DMD: variants seen among roughly 807,000 people sequenced by gnomAD.
DMD encodes mutant dystrophin.
Under a neutral mutation model 330.1 loss-of-function variants are expected in DMD, and 63 were observed. That is an observed-to-expected ratio of 0.19 (90% CI 0.16 to 0.24). DMD has a LOEUF of 0.24. DMD is among the 10% of genes least tolerant of loss of function. The pLI is 1.00. For missense variants in DMD, 3,344 were observed against 2,684.1 expected (o/e 1.25, Z -5.43); for synonymous variants, 1,223 against 959.8 (o/e 1.27, Z -5.07).
intron 7 of DMD, among the ~76,000 whole-genome samples, chrX:32,730,160 C>T (rs771363177): frequency 4.5e-5 from 5 of 111,655 alleles, no homozygotes; most frequent in African/African-American, 6.5e-5. Flanking sequence ...AAGCAAGACC[C>T]TGTCTCTACA....
chrX:32,288,164 T>C (rs2097450764), intron 42 of DMD, among the ~76,000 whole-genome samples: 1 of 111,746 alleles, frequency 8.9e-6, no homozygotes, highest in Admixed American at 9.6e-5. Context: ...TAACAAATGC[T>C]AATTTCTCAA....
intron 16 of DMD, 84 bp downstream of exon 16, chrX:32,565,618 T>C: frequency 2.0e-6 from 2 of 988,553 alleles, no homozygotes; most frequent in South Asian, 4.1e-5. Context: ...GTTGCTTCTT[T>C]TGTAGGGTTA....
rs1569562950 is a variant in DMD at position 32,448,635 on chromosome X, C to T, written c.3607G>A (p.Ala1203Thr). The T allele has an allele frequency of 1.7e-6, 2 of 1,200,789 alleles. No individual in the cohort carries two copies. Among genetic ancestry groups the T allele is most frequent in the Non-Finnish European group, 2.2e-6 (2 of 889,771 alleles). ...LQKAVEEMKR[A>T]KEEAQQKEAK... Reference sequence around the variant, plus strand: ...TCTTTTTGTTGGGCCTCTTCTTTAGCTCTCTGAAAAATAAAGAATGCTCTC... The same window carrying T: ...TCTTTTTGTTGGGCCTCTTCTTTAGTTCTCTGAAAAATAAAGAATGCTCTC... Residue 1203 changes from alanine (A) to threonine (T), a missense_variant, in exon 27 of 79, where the codon GCT (alanine) becomes ACT (threonine). Physicochemically the swap from Ala to Thr is moderately conservative, Grantham distance 58 (BLOSUM62 0). Coordinates refer to ENST00000357033, the MANE Select transcript of DMD (RefSeq NM_004006.3).
intron 63 of DMD, among the ~76,000 whole-genome samples, chrX:31,243,558 C>T (rs1205070253): frequency 1.8e-5 from 2 of 111,611 alleles, no homozygotes; most frequent in African/African-American, 6.5e-5. Flanking sequence ...AGAAAAACAC[C>T]CAGCAGATAT....
At chrX:32,307,521 G>A (rs187699141) in intron 42 of DMD, among the ~76,000 whole-genome samples, 250 of 111,716 alleles carry the variant, frequency 2.2e-3, no homozygotes, top group Middle Eastern at 9.2e-3. Flanking sequence ...GGCATGCTGA[G>A]TCAGGAAATG....
At chrX:32,334,442 C>A (rs1330097326) in intron 41 of DMD, among the ~76,000 whole-genome samples, 1 of 111,791 alleles carries the variant, frequency 8.9e-6, no homozygotes, top group Non-Finnish European at 1.9e-5. Context: ...GGCAATTATG[C>A]AAAGACAATA....
chrX:32,236,406 CTTATT>C (rs746663388), intron 43 of DMD, among the ~76,000 whole-genome samples: 17 of 112,084 alleles, frequency 1.5e-4, no homozygotes, highest in Admixed American at 3.8e-4. Context: ...CTTTCACAAT[CTTATT>C]TTATTTTTTA....
chrX:32,603,602 G>T (rs1191560251), intron 12 of DMD, among the ~76,000 whole-genome samples: 5 of 110,473 alleles, frequency 4.5e-5, no homozygotes, highest in Non-Finnish European at 7.6e-5. Context: ...AAAATTAATA[G>T]GCCACTAGCT....
chrX:31,408,492 G>C (rs745805804), intron 60 of DMD, among the ~76,000 whole-genome samples: 2 of 110,042 alleles, frequency 1.8e-5, no homozygotes, highest in East Asian at 5.7e-4. Context: ...TGCAACCTCT[G>C]CCTCCCAGGT....
chrX:32,759,196 C>A (rs1344213067), intron 7 of DMD, among the ~76,000 whole-genome samples: 2 of 111,699 alleles, frequency 1.8e-5, no homozygotes, highest in African/African-American at 6.5e-5. Flanking sequence ...ACCTATTGAA[C>A]TATTTTGGTC....
intron 1 of DMD, among the ~76,000 whole-genome samples, chrX:33,030,511 T>A: frequency 8.9e-6 from 1 of 112,023 alleles, no homozygotes; most frequent in East Asian, 2.8e-4. Flanking sequence ...GGTGTAGACT[T>A]GTTAGGAGTA....
At chrX:33,150,059 C>T (rs770035252) in intron 1 of DMD, among the ~76,000 whole-genome samples, 9 of 110,819 alleles carry the variant, frequency 8.1e-5, no homozygotes, top group Non-Finnish European at 1.3e-4. Flanking sequence ...TAAAGAGATG[C>T]GTTCTTTCTA....
rs10572572 is a variant in DMD, at chrX:31,434,418, GCACACACACACACACA to G, written c.9084+10047_9084+10062del. Among the ~76,000 whole-genome samples the G allele has an allele frequency of 5.9e-3, 464 of 78,057 alleles. 12 individuals carry two copies. Among genetic ancestry groups the G allele is most frequent in the East Asian group, 0.023 (49 of 2,169 alleles). 67.8% of individuals were successfully genotyped at this position (78,057 alleles called of 115,157 possible). ...CTCTCACCCTTACTGCAGCGCGCGC[GCACACACACACACACA>G]CACACACACACACACACACACACAC... On this transcript the variant is annotated intron_variant, in intron 60 of 78. Transcript: ENST00000357033.
intron 67 of DMD, 84 bp downstream of exon 67, chrX:31,203,877 G>T: frequency 1.1e-6 from 1 of 903,421 alleles, no homozygotes; most frequent in Non-Finnish European, 1.6e-6. Context: ...GAGCTAATAT[G>T]AGAAAACGAA....
At chrX:32,513,842 A>C (rs764839537) in intron 18 of DMD, among the ~76,000 whole-genome samples, 1 of 111,767 alleles carries the variant, frequency 8.9e-6, no homozygotes, top group Non-Finnish European at 1.9e-5. Context: ...ACTCTGAAGA[A>C]TATCAATATT....
intron 9 of DMD, among the ~76,000 whole-genome samples, chrX:32,680,235 C>T (rs1037886695): frequency 9.0e-5 from 10 of 111,032 alleles, no homozygotes; most frequent in African/African-American, 3.0e-4. Flanking sequence ...TCTTAAAAAA[C>T]TAAGCTATCA....
chrX:32,794,320 T>C (rs1290626810), intron 7 of DMD, among the ~76,000 whole-genome samples: 2 of 112,232 alleles, frequency 1.8e-5, no homozygotes, highest in Non-Finnish European at 3.8e-5. Context: ...TCAGGCGTGG[T>C]GGCTCACGCC....
chrX:32,208,738 C>A (rs747776951), intron 44 of DMD, among the ~76,000 whole-genome samples: 1 of 112,021 alleles, frequency 8.9e-6, no homozygotes, highest in African/African-American at 3.2e-5. Context: ...GCTCTGTATT[C>A]CTAGCAGCAA....
intron 48 of DMD, among the ~76,000 whole-genome samples, chrX:31,844,436 C>T (rs1367441846): frequency 9.0e-6 from 1 of 110,604 alleles, no homozygotes; most frequent in Non-Finnish European, 1.9e-5. Context: ...GTAACTGTAG[C>T]CTTATAGTAT....
Sources: allele counts gnomAD v4.1 joint callset (sites outside exome capture counted in the v4.1 genomes callset), GRCh38; gene constraint gnomAD v4.1.1; transcripts MANE v1.5; gene names NCBI Gene and HGNC (gene_info 2026-07-23, HGNC 2026-07-21).